The following EPG5 variants were observed in gnomAD, a reference collection of about 807,000 sequenced individuals.
The protein encoded by EPG5 is ectopic P-granules 5 autophagy tethering factor, also known as ectopic P granules protein 5 homolog.
Under a neutral mutation model 302.7 loss-of-function variants are expected in EPG5, and 159 were observed. The ratio of observed to expected loss-of-function variants is 0.53; its 90% confidence interval spans 0.46 to 0.60. EPG5 has a LOEUF of 0.60. Among genes scored for constraint, EPG5 ranks in the 20% least tolerant of loss-of-function variants. EPG5 has a pLI of 0.00. For missense variants in EPG5, 2,896 were observed against 3,092.4 expected, an observed-to-expected ratio of 0.94 and a Z score of 1.51; for synonymous variants, 1,158 against 1,136.8, an observed-to-expected ratio of 1.02 and a Z score of -0.37.
intron 36 of EPG5, among the ~76,000 whole-genome samples, chr18:45,868,467 A>C (rs1360321248): frequency 6.6e-6 from 1 of 151,454 alleles, no homozygotes; most frequent in African/African-American, 2.4e-5. Context: ...CCTCCTGAGT[A>C]GCTGGGATTA....
chr18:45,820,170 A>G, the EPG5 span, among the ~76,000 whole-genome samples: 1 of 152,118 alleles, frequency 6.6e-6, no homozygotes, highest in African/African-American at 2.4e-5. Context: ...CAGAGAAGAG[A>G]AGGCATGGAG....
intron 9 of EPG5, among the ~76,000 whole-genome samples, chr18:45,940,783 A>T (rs1386955642): frequency 6.6e-6 from 1 of 151,374 alleles, no homozygotes; most frequent in East Asian, 2.0e-4. Flanking sequence ...TAAAATTTGC[A>T]GTTAGATTGA....
rs776905444 is a variant in EPG5 at position 45,949,487 on chromosome 18, G to C, written c.1494C>G (p.Ile498Met). The C allele has an allele frequency of 1.9e-6, 3 of 1,596,534 alleles. No individual in the cohort carries two copies. The South Asian group carries it at 3.3e-5, about 18-fold the overall frequency. The change falls in exon 5 of 44, where the codon ATC becomes ATG. Residue 498 changes from isoleucine (I) to methionine (M), a missense_variant. Transcript: ENST00000282041. ...AGVSKWAVPF[I>M]QIKVLHNPSG... ...ATGAGTTGATGATTCATCATACCTG[G>C]ATAAAAGGAACAGCCCATTTACTAA...
At chr18:45,876,610 A>G (rs2048975711) in intron 34 of EPG5, among the ~76,000 whole-genome samples, 1 of 152,034 alleles carries the variant, frequency 6.6e-6, no homozygotes, top group Admixed American at 6.6e-5. Context: ...TTAAATTAAC[A>G]TCTTTTTACA....
intron 39 of EPG5, among the ~76,000 whole-genome samples, chr18:45,863,760 G>A (rs557649036): frequency 8.5e-5 from 13 of 152,222 alleles, no homozygotes; most frequent in Non-Finnish European, 2.9e-5. Flanking sequence ...GAAGTCAGCT[G>A]TCAGTCTAAA....
rs562380156 is a variant in EPG5, at chr18:45,953,681, C to T, written c.1008+713G>A. The T allele has an allele frequency of 1.6e-5, 16 of 985,362 alleles. No individual in the cohort carries two copies. The African/African-American group carries it at 2.4e-4, about 15-fold the overall frequency. 61.0% of individuals were successfully genotyped at this position (985,362 alleles called of 1,614,324 possible). A position where few individuals can be genotyped will look rare whatever the true frequency, so the allele number is the denominator to read the frequency against. On this transcript the variant is annotated intron_variant, in intron 2 of 43. Coordinates refer to ENST00000282041, the MANE Select transcript of EPG5 (RefSeq NM_020964.3). Reference sequence around the variant, plus strand: ...AACTTGAGAGGACGTCTCCCCCTTCCTTTGGGGGCTCTGTGTTACACATCA... The same window carrying T: ...AACTTGAGAGGACGTCTCCCCCTTCTTTTGGGGGCTCTGTGTTACACATCA...
intron 11 of EPG5, among the ~76,000 whole-genome samples, chr18:45,933,471 G>C (rs2050444183): frequency 6.6e-6 from 1 of 152,188 alleles, no homozygotes; most frequent in African/African-American, 2.4e-5. Flanking sequence ...TTGAGGTCAG[G>C]AGTTCAAGAC....
At chr18:45,965,223 CACTT>C (rs10560167) in intron 1 of EPG5, among the ~76,000 whole-genome samples, 16,969 of 152,092 alleles carry the variant, frequency 0.11, 1,240 homozygotes, top group African/African-American at 0.21. Flanking sequence ...ACCACGTTCT[CACTT>C]ATAAGTGGGA....
At chr18:45,884,926 A>G in intron 29 of EPG5, 115 bp from the exon 30 acceptor site, 1 of 648,898 alleles carries the variant, frequency 1.5e-6, no homozygotes, top group East Asian at 3.3e-5. Flanking sequence ...TTCTAAACAA[A>G]AGTCTGAAAC....
intron 24 of EPG5, 90 bp from the exon 25 acceptor site, chr18:45,904,207 A>C (rs2049694452): frequency 1.4e-6 from 2 of 1,441,736 alleles, no homozygotes; most frequent in Non-Finnish European, 1.9e-6. Flanking sequence ...TGAACCAGTA[A>C]GTTTCAACAC....
intron 35 of EPG5, among the ~76,000 whole-genome samples, 174 bp downstream of exon 35, chr18:45,876,062 G>GAA (rs372969523): frequency 1.1e-5 from 1 of 91,736 alleles, no homozygotes; most frequent in Non-Finnish European, 2.5e-5. Flanking sequence ...ATCTCCAAAA[G>GAA]AAAAAAAAAA....
At chr18:45,844,104 G>A (rs2048346899), downstream of EPG5, 1 of 151,884 alleles carries the variant, frequency 6.6e-6, no homozygotes. Flanking sequence ...ATGAAATCCT[G>A]TCGCTTGCAA....
chr18:45,804,283 A>G, the EPG5 span, among the ~76,000 whole-genome samples: 18 of 152,194 alleles, frequency 1.2e-4, no homozygotes, highest in African/African-American at 2.2e-4. Flanking sequence ...GATAGTACCT[A>G]AAGGGTGGTA....
At chr18:45,878,701 A>G (rs1328107566) in intron 33 of EPG5, among the ~76,000 whole-genome samples, 2 of 152,254 alleles carry the variant, frequency 1.3e-5, no homozygotes, top group African/African-American at 4.8e-5. Context: ...AAAAAGATAA[A>G]TGTATAAGAT....
At chr18:45,943,983 C>T (rs777760566) in intron 8 of EPG5, 22 bp downstream of exon 8, 55 of 1,478,258 alleles carry the variant, frequency 3.7e-5, no homozygotes, top group Non-Finnish European at 4.9e-5. Context: ...CCACATTTTA[C>T]ACTTAAGAGA....
chr18:45,838,551 A>G, the EPG5 span: 6 of 847,430 alleles, frequency 7.1e-6, no homozygotes, highest in South Asian at 1.2e-4. Context: ...AGAAGCAGAG[A>G]TGATAGAATC....
At chr18:45,840,940 CT>C in the EPG5 span, 1 of 152,352 alleles carries the variant, frequency 6.6e-6, no homozygotes, top group East Asian at 1.9e-4. Context: ...ACCAACGCCC[CT>C]GAATCTGAAA....
chr18:45,808,902 G>C, the EPG5 span, among the ~76,000 whole-genome samples: 2 of 152,166 alleles, frequency 1.3e-5, no homozygotes, highest in African/African-American at 4.8e-5. Flanking sequence ...TACTAACATT[G>C]AGTGTAAATG....
chr18:45,871,091 C>T (rs1172603200), intron 35 of EPG5, among the ~76,000 whole-genome samples: 1 of 152,264 alleles, frequency 6.6e-6, no homozygotes, highest in East Asian at 1.9e-4. Flanking sequence ...ATTCATTTGG[C>T]ACTCAGGAGA....
Sources: gnomAD v4.1 joint callset for allele counts (sites outside exome capture counted in the v4.1 genomes callset) on GRCh38, gnomAD v4.1.1 for gene constraint, MANE v1.5 for transcripts, NCBI Gene and HGNC (gene_info 2026-07-23, HGNC 2026-07-21) for gene names.